The following PLCB4 variants were observed in gnomAD, a reference collection of about 807,000 sequenced individuals.
PLCB4 encodes the protein phospholipase C beta 4.
In PLCB4, 77 loss-of-function variants were observed where a neutral mutation model predicts 178.8. That is an observed-to-expected ratio of 0.43 (90% CI 0.36 to 0.52). The LOEUF (loss-of-function observed/expected upper bound fraction) is 0.52. Ranked by LOEUF, PLCB4 falls within the 20% of genes least tolerant of loss-of-function variation. The pLI is 0.00. For missense variants in PLCB4, 1,024 were observed against 1,453.4 expected, an observed-to-expected ratio of 0.70 and a Z score of 4.80; for synonymous variants, 496 against 490.8, an observed-to-expected ratio of 1.01 and a Z score of -0.14.
chr20:9,471,466 A>G (rs114501983), intron 36 of PLCB4, among the ~76,000 whole-genome samples: 2,804 of 152,282 alleles, frequency 0.018, 75 homozygotes, highest in African/African-American at 0.064. Context: ...CTACAGAGAA[A>G]AACGCTTTGA....
At chr20:9,173,406 C>T (rs1002462779) in intron 2 of PLCB4, among the ~76,000 whole-genome samples, 1 of 152,196 alleles carries the variant, frequency 6.6e-6, no homozygotes, top group Admixed American at 6.5e-5. Context: ...CACACGCTCT[C>T]CAGTTCCACC....
At chr20:9,144,561 G>A (rs904872316) in intron 2 of PLCB4, among the ~76,000 whole-genome samples, 1 of 151,124 alleles carries the variant, frequency 6.6e-6, no homozygotes, top group African/African-American at 2.4e-5. Context: ...AGGAGTCCAA[G>A]GCTGGAGGAT....
intron 2 of PLCB4, among the ~76,000 whole-genome samples, chr20:9,206,396 G>A (rs2093616172): frequency 6.7e-6 from 1 of 150,178 alleles, no homozygotes; most frequent in Non-Finnish European, 1.5e-5. Context: ...AGGCAGCAGA[G>A]GGGCATCTTG....
chr20:9,236,188 GC>G (rs1290088524), intron 3 of PLCB4, among the ~76,000 whole-genome samples: 1 of 152,096 alleles, frequency 6.6e-6, no homozygotes, highest in African/African-American at 2.4e-5. Flanking sequence ...AGGAAAATCT[GC>G]TTATGGTAAG....
chr20:9,426,160 A>G (rs527408614), intron 28 of PLCB4, among the ~76,000 whole-genome samples: 5 of 152,216 alleles, frequency 3.3e-5, no homozygotes, highest in East Asian at 1.9e-4. Flanking sequence ...ACTCATCAAT[A>G]TACATCATTA....
intron 5 of PLCB4, among the ~76,000 whole-genome samples, chr20:9,337,584 G>A (rs2032630190): frequency 6.6e-6 from 1 of 151,946 alleles, no homozygotes; most frequent in African/African-American, 2.4e-5. Context: ...TTATACCCTG[G>A]GACTTAATTC....
chr20:9,094,784 G>C (rs1160789948), intron 1 of PLCB4, among the ~76,000 whole-genome samples: 1 of 152,176 alleles, frequency 6.6e-6, no homozygotes, highest in Non-Finnish European at 1.5e-5. Flanking sequence ...CTATGTCATA[G>C]ATTATGATTT....
rs543024229 is a variant in PLCB4 at position 9,100,828 on chromosome 20, C to T, written c.-79+4486C>T. On this transcript the variant is annotated intron_variant, in intron 2 of 39. Coordinates refer to ENST00000378473, the MANE Select transcript of PLCB4 (RefSeq NM_001377142.1). Reference sequence around the variant, plus strand: ...GAGTTCTTAAGCATATTGTCTCTTCCTCCTGTGCGCTGATTCCCACTTTCG... The same window carrying T: ...GAGTTCTTAAGCATATTGTCTCTTCTTCCTGTGCGCTGATTCCCACTTTCG... Among the ~76,000 whole-genome samples, 9 of 152,226 alleles carry T rather than the reference C, an allele frequency of 5.9e-5. 1 individual carries two copies. In the South Asian group the frequency reaches 1.9e-3, roughly 32 times the overall value.
chr20:9,234,846 A>G (rs2093975552), intron 3 of PLCB4, among the ~76,000 whole-genome samples: 1 of 152,164 alleles, frequency 6.6e-6, no homozygotes, highest in Non-Finnish European at 1.5e-5. Context: ...GGAAATGTAA[A>G]TACCCAAAGA....
At chr20:9,196,171 G>A (rs2093470143) in intron 2 of PLCB4, among the ~76,000 whole-genome samples, 1 of 152,168 alleles carries the variant, frequency 6.6e-6, no homozygotes, top group Non-Finnish European at 1.5e-5. Flanking sequence ...TCTATGTGTG[G>A]GGAGCAGAAG....
intron 4 of PLCB4, among the ~76,000 whole-genome samples, chr20:9,333,480 A>G (rs2031994964): frequency 6.6e-6 from 1 of 152,196 alleles, no homozygotes; most frequent in East Asian, 1.9e-4. Context: ...AAGAGTTTTT[A>G]TGGTTGTGAA....
chr20:9,151,569 C>T (rs2092692227), intron 2 of PLCB4, among the ~76,000 whole-genome samples: 1 of 152,130 alleles, frequency 6.6e-6, no homozygotes, highest in Admixed American at 6.5e-5. Flanking sequence ...TTGCTGCTGC[C>T]ATGTTAGAAG....
At chr20:9,272,718 G>A (rs567576882) in intron 3 of PLCB4, among the ~76,000 whole-genome samples, 392 of 152,126 alleles carry the variant, frequency 2.6e-3, no homozygotes, top group Middle Eastern at 6.8e-3. Context: ...CCCAGGGTGG[G>A]GACGTGTGAC....
At chr20:9,332,238 A>G (rs752487842) in intron 4 of PLCB4, among the ~76,000 whole-genome samples, 9 of 152,116 alleles carry the variant, frequency 5.9e-5, no homozygotes, top group Non-Finnish European at 8.8e-5. Flanking sequence ...TTTTCTGACA[A>G]TGGGACTTCA....
At chr20:9,092,135 G>A (rs2090711408) in intron 1 of PLCB4, among the ~76,000 whole-genome samples, 1 of 152,120 alleles carries the variant, frequency 6.6e-6, no homozygotes, top group Non-Finnish European at 1.5e-5. Flanking sequence ...CATTTCTGGT[G>A]TTTAATCTAG....
intron 3 of PLCB4, among the ~76,000 whole-genome samples, chr20:9,259,978 A>C (rs552363144): frequency 2.0e-5 from 3 of 152,260 alleles, no homozygotes; most frequent in African/African-American, 7.2e-5. Flanking sequence ...GACTTACACT[A>C]TACTTTTACT....
At chr20:9,445,568 G>A (rs950967323) in intron 32 of PLCB4, among the ~76,000 whole-genome samples, 2 of 152,136 alleles carry the variant, frequency 1.3e-5, no homozygotes, top group African/African-American at 4.8e-5. Context: ...TTTTTTAGAA[G>A]TTAGGCCTAA....
chr20:9,209,049 C>A (rs981192976), intron 2 of PLCB4, among the ~76,000 whole-genome samples: 9 of 152,122 alleles, frequency 5.9e-5, no homozygotes, highest in Non-Finnish European at 1.3e-4. Flanking sequence ...AATTTTTGGT[C>A]CTTCTAGGTA....
chr20:9,318,908 T>C (rs1291374916), intron 4 of PLCB4, among the ~76,000 whole-genome samples: 1 of 152,148 alleles, frequency 6.6e-6, no homozygotes, highest in Non-Finnish European at 1.5e-5. Flanking sequence ...AAGAGAAAAA[T>C]GCTCAATATT....
Sources: gnomAD v4.1 joint callset for allele counts (sites outside exome capture counted in the v4.1 genomes callset) on GRCh38, gnomAD v4.1.1 for gene constraint, MANE v1.5 for transcripts, NCBI Gene and HGNC (gene_info 2026-07-23, HGNC 2026-07-21) for gene names.